Variants in GPR141 observed in about 807,000 individuals in gnomAD.
GPR141 encodes the protein G protein-coupled receptor 141, also known as probable G protein-coupled receptor 141.
In GPR141, 6 loss-of-function variants were observed where a neutral mutation model predicts 6.8. The observed-to-expected ratio is 0.88, with a 90% CI of 0.48 to 1.74. The LOEUF (loss-of-function observed/expected upper bound fraction) is 1.74, where lower values mean the gene tolerates loss of function less well. Ranked by LOEUF, GPR141 falls within the 40% of genes most tolerant of loss-of-function variation. GPR141 has a pLI of 0.01. For missense variants in GPR141, 372 were observed against 372.9 expected, an observed-to-expected ratio of 1.00 and a Z score of 0.02; for synonymous variants, 140 against 142.3, an observed-to-expected ratio of 0.98 and a Z score of 0.11.
At chr7:37,716,255 A>G (rs1200916418) in intron 2 of GPR141, among the ~76,000 whole-genome samples, 2 of 152,216 alleles carry the variant, frequency 1.3e-5, no homozygotes, top group Non-Finnish European at 2.9e-5. Flanking sequence ...CCTATAATTT[A>G]TTATGGAGAG....
chr7:37,684,745 A>G (rs943323110), intron 1 of GPR141, among the ~76,000 whole-genome samples: 6 of 152,228 alleles, frequency 3.9e-5, no homozygotes, highest in African/African-American at 9.6e-5. Flanking sequence ...TCAGCGTTCT[A>G]CATAACTGCA....
intron 2 of GPR141, among the ~76,000 whole-genome samples, chr7:37,689,861 C>T (rs961816422): frequency 1.3e-5 from 2 of 150,756 alleles, no homozygotes; most frequent in African/African-American, 4.9e-5. Context: ...GTTTTTGTTT[C>T]ATTTCTCTTG....
At chr7:37,733,539 G>A (rs1373142221) in intron 2 of GPR141, among the ~76,000 whole-genome samples, 6 of 151,920 alleles carry the variant, frequency 3.9e-5, no homozygotes, top group African/African-American at 1.5e-4. Context: ...AGGTGTGGTG[G>A]CAGGCACCTG....
At chr7:37,690,575 A>G (rs1809711750) in intron 2 of GPR141, among the ~76,000 whole-genome samples, 1 of 152,174 alleles carries the variant, frequency 6.6e-6, no homozygotes, top group Admixed American at 6.5e-5. Flanking sequence ...CTTTTCTTAT[A>G]AATTACCCAG....
intron 2 of GPR141, among the ~76,000 whole-genome samples, chr7:37,729,353 G>A (rs1811799447): frequency 6.6e-6 from 1 of 152,134 alleles, no homozygotes; most frequent in African/African-American, 2.4e-5. Context: ...CAGAGAGGCA[G>A]CCCTGTCCCC....
intron 2 of GPR141, among the ~76,000 whole-genome samples, chr7:37,711,584 T>C (rs1012662281): frequency 1.3e-5 from 2 of 152,178 alleles, no homozygotes. Flanking sequence ...CTCCTCCTTT[T>C]AAAAATCAAA....
intron 2 of GPR141, among the ~76,000 whole-genome samples, chr7:37,728,545 C>G (rs1049329461): frequency 1.3e-5 from 2 of 152,074 alleles, no homozygotes; most frequent in Admixed American, 1.3e-4. Context: ...GATGTTGGCT[C>G]TACCATAGGT....
chr7:37,728,008 T>C (rs1335112566), intron 2 of GPR141, among the ~76,000 whole-genome samples: 1 of 152,226 alleles, frequency 6.6e-6, no homozygotes, highest in Non-Finnish European at 1.5e-5. Flanking sequence ...TCCCCGAATG[T>C]GCATCCAAGC....
Position 37,712,885 on chromosome 7 carries a change from C to T in GPR141, c.-15+27302C>T, listed in dbSNP as rs142659048. ...AGCTCAGCTGGGCCTGCTTCCATGT[C>T]TGGTGTCTGCTGACTCTAGCTGGGC... On this transcript the variant is annotated intron_variant, in intron 2 of 2. Coordinates refer to ENST00000334425, the MANE Select transcript of GPR141 (RefSeq NM_001381946.1). Among the ~76,000 whole-genome samples, 869 of 152,296 alleles carry T rather than the reference C, an allele frequency of 5.7e-3. 12 individuals carry two copies. The highest frequency in any genetic ancestry group is 0.019 in the African/African-American group (807 of 41,570).
chr7:37,734,688 A>G (rs985804093), intron 2 of GPR141, among the ~76,000 whole-genome samples: 12 of 152,236 alleles, frequency 7.9e-5, no homozygotes, highest in African/African-American at 2.7e-4. Flanking sequence ...TCTCTGACTT[A>G]TCTTCTGAAA....
rs1812553181 is a variant in GPR141 at position 37,741,301 on chromosome 7, T to C, written c.908T>C (p.Leu303Ser). 2 of 1,584,360 alleles carry C rather than the reference T, an allele frequency of 1.3e-6. No homozygotes were observed. Among genetic ancestry groups the C allele is most frequent in the East Asian group, 4.5e-5 (2 of 44,450 alleles). The change falls in exon 3 of 3, where the codon TTG becomes TCG. Residue 303 changes from leucine to serine, a missense_variant. By Grantham distance (145) the Leu-to-Ser change is moderately radical (BLOSUM62 -2). Transcript: ENST00000334425. ...QKIIGLWNCV[L>S]CR ...ATAATTGGCTTATGGAATTGTGTTT[T>C]GTGCCGTTAGCCACAAACTACAGTA...
chr7:37,714,693 A>G (rs996291982), intron 2 of GPR141, among the ~76,000 whole-genome samples: 2 of 152,302 alleles, frequency 1.3e-5, no homozygotes, highest in Non-Finnish European at 2.9e-5. Context: ...TCACTTTCCA[A>G]TGAATATGTT....
At chr7:37,705,946 C>T (rs1003202347) in intron 2 of GPR141, among the ~76,000 whole-genome samples, 2 of 152,096 alleles carry the variant, frequency 1.3e-5, no homozygotes, top group Non-Finnish European at 2.9e-5. Context: ...ACTGAACGGG[C>T]TGAGAGAGGA....
At chr7:37,687,189 T>C (rs1025899831) in intron 2 of GPR141, among the ~76,000 whole-genome samples, 4 of 152,048 alleles carry the variant, frequency 2.6e-5, no homozygotes, top group African/African-American at 9.7e-5. Flanking sequence ...GGGGAATAAC[T>C]TGTGATCAAT....
intron 2 of GPR141, among the ~76,000 whole-genome samples, chr7:37,732,901 G>T (rs1231640089): frequency 6.6e-6 from 1 of 152,182 alleles, no homozygotes; most frequent in Non-Finnish European, 1.5e-5. Context: ...TGTAGTCACA[G>T]GAAAGTAGCA....
chr7:37,688,668 G>C (rs1583514553), intron 2 of GPR141, among the ~76,000 whole-genome samples: 1 of 152,068 alleles, frequency 6.6e-6, no homozygotes, highest in East Asian at 1.9e-4. Flanking sequence ...CTCCGCACAG[G>C]TTAAGCCCCA....
chr7:37,696,590 A>G (rs945055126), intron 2 of GPR141, among the ~76,000 whole-genome samples: 5 of 151,690 alleles, frequency 3.3e-5, no homozygotes, highest in African/African-American at 1.2e-4. Context: ...TGATGTGCAC[A>G]TATGGAATTG....
At chr7:37,721,742 G>A (rs540104686) in intron 2 of GPR141, among the ~76,000 whole-genome samples, 2 of 152,184 alleles carry the variant, frequency 1.3e-5, no homozygotes, top group Non-Finnish European at 2.9e-5. Context: ...CTCTGTTTGG[G>A]TGTAAAGTGG....
intron 2 of GPR141, among the ~76,000 whole-genome samples, chr7:37,704,596 A>C (rs991823563): frequency 3.3e-5 from 5 of 152,134 alleles, no homozygotes; most frequent in Non-Finnish European, 5.9e-5. Context: ...GATTGTAGGG[A>C]TTACAGTTCA....
Sources: gnomAD v4.1 joint callset for allele counts (sites outside exome capture counted in the v4.1 genomes callset) on GRCh38, gnomAD v4.1.1 for gene constraint, MANE v1.5 for transcripts, NCBI Gene and HGNC (gene_info 2026-07-23, HGNC 2026-07-21) for gene names.